The following AKAP6 variants were observed in gnomAD, a reference collection of about 807,000 sequenced individuals.
The protein encoded by AKAP6 is A-kinase anchoring protein 6.
AKAP6 carries 58 observed loss-of-function variants against 188.5 expected under a neutral mutation model. The ratio of observed to expected loss-of-function variants is 0.31; its 90% CI spans 0.25 to 0.38. AKAP6 has a LOEUF of 0.38. Ranked by LOEUF, AKAP6 falls within the 10% of genes least tolerant of loss-of-function variation. The pLI, the probability that AKAP6 is intolerant of heterozygous loss-of-function variation, is 1.00. For missense variants in AKAP6, 2,710 were observed against 2,740.0 expected (o/e 0.99, Z 0.24); for synonymous variants, 989 against 998.6 (o/e 0.99, Z 0.18).
rs1234872752 is a variant in AKAP6 at position 32,835,835 on chromosome 14, A to G, written c.*6030A>G. 1 of 152,228 alleles carries G rather than the reference A, an allele frequency of 6.6e-6. No individual in the cohort carries two copies. Among genetic ancestry groups the G allele is most frequent in the Non-Finnish European group, 1.5e-5 (1 of 68,044 alleles). 9.4% of individuals were successfully genotyped at this position (152,228 alleles called of 1,614,324 possible). A position where few individuals can be genotyped will look rare whatever the true frequency, so the allele number is the denominator to read the frequency against. Reference sequence around the variant, plus strand: ...GAACGTTCAAGGAAACCGTATAGCCACTTCTTTTTTAAAAGCAGCCACATA... The same window carrying G: ...GAACGTTCAAGGAAACCGTATAGCCGCTTCTTTTTTAAAAGCAGCCACATA... On this transcript the variant is annotated 3_prime_UTR_variant, in exon 14 of 14. Transcript: ENST00000280979.
chr14:32,737,938 T>G (rs2139850469), intron 11 of AKAP6, among the ~76,000 whole-genome samples: 1 of 152,270 alleles, frequency 6.6e-6, no homozygotes, highest in East Asian at 1.9e-4. Flanking sequence ...AAACCAATTG[T>G]GGAACATTTT....
At chr14:32,510,832 G>A (rs1287700785) in intron 2 of AKAP6, among the ~76,000 whole-genome samples, 2 of 152,082 alleles carry the variant, frequency 1.3e-5, no homozygotes, top group Admixed American at 1.3e-4. Context: ...CTCTAGTTAT[G>A]TGAAATCTCT....
intron 1 of AKAP6, among the ~76,000 whole-genome samples, chr14:32,385,641 T>C (rs900685829): frequency 1.3e-5 from 2 of 151,590 alleles, no homozygotes; most frequent in Non-Finnish European, 2.9e-5. Flanking sequence ...CACTCACTTA[T>C]GAGTGAGAAC....
At chr14:32,682,996 T>TTTTTTTTTTTTTTTTTTTTG (rs1445255344) in intron 8 of AKAP6, among the ~76,000 whole-genome samples, 8 of 102,732 alleles carry the variant, frequency 7.8e-5, no homozygotes, top group African/African-American at 3.0e-4. Flanking sequence ...TTTTTCTTCC[T>TTTTTTTTTTTTTTTTTTTTG]TTTTTTTTTG....
intron 8 of AKAP6, among the ~76,000 whole-genome samples, chr14:32,680,948 C>G (rs1030778233): frequency 3.9e-5 from 6 of 152,216 alleles, no homozygotes; most frequent in Non-Finnish European, 7.3e-5. Flanking sequence ...CTGTGGGGAA[C>G]AGTTGGCACT....
chr14:32,755,747 A>G (rs1250294591), intron 11 of AKAP6, among the ~76,000 whole-genome samples: 1 of 152,098 alleles, frequency 6.6e-6, no homozygotes, highest in Non-Finnish European at 1.5e-5. Context: ...AGCTGGTCTC[A>G]AACTCCTGGG....
rs2034807737 is a variant in AKAP6 at position 32,830,886 on chromosome 14, G to A, written c.*1081G>A. On this transcript the variant is annotated 3_prime_UTR_variant, in exon 14 of 14. Transcript: ENST00000280979. The stretch of plus-strand genomic sequence containing the variant: ...TGGTTCTGAAAAAGTATAGCATGTA[G>A]CAGCTTCCAAACATATTCATATTGC... 2 of 152,542 alleles carry A rather than the reference G, an allele frequency of 1.3e-5. No individual in the cohort carries two copies. Among genetic ancestry groups the A allele is most frequent in the South Asian group, 4.1e-4 (2 of 4,828 alleles). 9.4% of individuals were successfully genotyped at this position (152,542 alleles called of 1,614,324 possible).
chr14:32,480,053 C>G (rs1879260297), intron 2 of AKAP6, among the ~76,000 whole-genome samples: 1 of 152,120 alleles, frequency 6.6e-6, no homozygotes, highest in Non-Finnish European at 1.5e-5. Context: ...GAGGAGAAAA[C>G]AGTATCTCTG....
intron 9 of AKAP6, among the ~76,000 whole-genome samples, chr14:32,707,202 C>T (rs1489526053): frequency 1.3e-5 from 2 of 152,060 alleles, no homozygotes; most frequent in Non-Finnish European, 2.9e-5. Flanking sequence ...AAAAATCTTT[C>T]ACCAAGATTG....
chr14:32,669,632 C>T (rs1238605231), intron 7 of AKAP6, among the ~76,000 whole-genome samples: 1 of 152,182 alleles, frequency 6.6e-6, no homozygotes, highest in Non-Finnish European at 1.5e-5. Context: ...CATCCATTCT[C>T]ACGCTGCTAA....
At chr14:32,641,485 A>G (rs939757847) in intron 7 of AKAP6, among the ~76,000 whole-genome samples, 32 of 150,806 alleles carry the variant, frequency 2.1e-4, no homozygotes, top group Non-Finnish European at 2.4e-4. Context: ...AAAAAAAAAA[A>G]AAAGAAAAGA....
At chr14:32,518,925 A>G (rs911222172) in intron 2 of AKAP6, among the ~76,000 whole-genome samples, 1 of 152,220 alleles carries the variant, frequency 6.6e-6, no homozygotes, top group Non-Finnish European at 1.5e-5. Flanking sequence ...GAAGAAAAAC[A>G]TGTTAAGGGC....
rs150720547 is a variant in AKAP6, at chr14:32,746,209, T to C, written c.3372+10327T>C. On this transcript the variant is annotated intron_variant, in intron 11 of 13. Coordinates refer to ENST00000280979, the MANE Select transcript of AKAP6 (RefSeq NM_004274.5). ...AGATGCGAGACCAAGTCCTCTTTAC[T>C]TTTCCCTCTGCTCTCCTCAAGCAGA... Among the ~76,000 whole-genome samples, 49 of 152,126 alleles carry C rather than the reference T, an allele frequency of 3.2e-4. No individual in the cohort carries two copies. The East Asian group carries it at 9.1e-3, about 28-fold the overall frequency.
intron 7 of AKAP6, among the ~76,000 whole-genome samples, chr14:32,625,177 A>T (rs17099371): frequency 6.6e-6 from 1 of 152,042 alleles, no homozygotes; most frequent in Non-Finnish European, 1.5e-5. Flanking sequence ...ATTTATTGCT[A>T]TTTGTAAACT....
At chr14:32,625,658 A>T (rs1179603185) in intron 7 of AKAP6, among the ~76,000 whole-genome samples, 1 of 152,146 alleles carries the variant, frequency 6.6e-6, no homozygotes, top group Non-Finnish European at 1.5e-5. Flanking sequence ...AATAAAAAAA[A>T]AAAACCCTTC....
chr14:32,486,909 A>G lies in AKAP6; in HGVS notation c.325-48645A>G, dbSNP rs553595387. 9.2e-5 allele frequency among the ~76,000 whole-genome samples: 14 copies of G among 152,274 alleles called. No homozygotes were observed. The East Asian group carries it at 1.2e-3, about 13-fold the overall frequency. On this transcript the variant is annotated intron_variant, in intron 2 of 13. Coordinates refer to ENST00000280979, the MANE Select transcript of AKAP6 (RefSeq NM_004274.5). ...CGTCTTGTGCTGGTTTTCAAAGGGAATGCTTCCAGCTTTTGCCCATTCGGT... is the reference window on the plus strand; with the variant it reads ...CGTCTTGTGCTGGTTTTCAAAGGGAGTGCTTCCAGCTTTTGCCCATTCGGT...
At chr14:32,771,927 A>G (rs2032909809) in intron 11 of AKAP6, among the ~76,000 whole-genome samples, 1 of 152,156 alleles carries the variant, frequency 6.6e-6, no homozygotes, top group African/African-American at 2.4e-5. Flanking sequence ...ATTTGGCCGT[A>G]ATGTTATCTT....
At chr14:32,781,201 AT>A (rs2033239668) in intron 12 of AKAP6, among the ~76,000 whole-genome samples, 1 of 152,074 alleles carries the variant, frequency 6.6e-6, no homozygotes, top group African/African-American at 2.4e-5. Context: ...AGCTAGATTG[AT>A]TAGGGAAAAA....
At chr14:32,717,418 G>A (rs1370696950) in intron 9 of AKAP6, among the ~76,000 whole-genome samples, 1 of 152,012 alleles carries the variant, frequency 6.6e-6, no homozygotes, top group Non-Finnish European at 1.5e-5. Flanking sequence ...CTGCAATGCT[G>A]TTTATTTTTA....
Sources: gnomAD v4.1 joint callset for allele counts (sites outside exome capture counted in the v4.1 genomes callset) on GRCh38, gnomAD v4.1.1 for gene constraint, MANE v1.5 for transcripts, NCBI Gene and HGNC (gene_info 2026-07-23, HGNC 2026-07-21) for gene names.